The following KLHL29 variants were observed in gnomAD, a reference collection of about 807,000 sequenced individuals.
KLHL29 encodes the protein kelch-like protein 29.
KLHL29 carries 21 observed loss-of-function variants against 80.4 expected under a neutral mutation model. That is an observed-to-expected ratio of 0.26 (90% CI 0.19 to 0.38). KLHL29 has a LOEUF of 0.38. Among genes scored for constraint, KLHL29 ranks in the 10% least tolerant of loss-of-function variants. The pLI, the probability that KLHL29 is intolerant of heterozygous loss-of-function variation, is 1.00. For synonymous variants in KLHL29, 511 were observed against 526.8 expected, an observed-to-expected ratio of 0.97 and a Z score of 0.41; for missense variants, 867 against 1,223.9, an observed-to-expected ratio of 0.71 and a Z score of 4.35.
intron 2 of KLHL29, among the ~76,000 whole-genome samples, chr2:23,480,240 A>G (rs545474713): frequency 4.6e-5 from 7 of 152,296 alleles, no homozygotes; most frequent in Admixed American, 2.6e-4. Context: ...TAATCCCAGC[A>G]CTTTGGGAGG....
chr2:23,644,322 G>A (rs563127320), intron 5 of KLHL29: 44 of 151,868 alleles, frequency 2.9e-4, no homozygotes, highest in Admixed American at 7.2e-4. Context: ...AAGTTCATGA[G>A]TTACCAACTC....
chr2:23,478,434 T>C, intron 2 of KLHL29, among the ~76,000 whole-genome samples: 1 of 152,176 alleles, frequency 6.6e-6, no homozygotes, highest in Non-Finnish European at 1.5e-5. Flanking sequence ...CACAGGGTCC[T>C]GTGTAACCTG....
intron 1 of KLHL29, among the ~76,000 whole-genome samples, chr2:23,409,966 G>C (rs932168841): frequency 5.3e-5 from 8 of 152,194 alleles, no homozygotes; most frequent in African/African-American, 1.9e-4. Flanking sequence ...ATTCCAGGCA[G>C]AGGAGATACA....
intron 2 of KLHL29, among the ~76,000 whole-genome samples, chr2:23,532,827 G>A (rs531560089): frequency 5.1e-4 from 77 of 152,338 alleles, no homozygotes; most frequent in African/African-American, 1.7e-3. Context: ...TTCAGGGTAA[G>A]GGGAGGATTG....
intron 1 of KLHL29, among the ~76,000 whole-genome samples, chr2:23,389,852 T>G (rs1321008202): frequency 6.6e-6 from 1 of 152,202 alleles, no homozygotes; most frequent in Non-Finnish European, 1.5e-5. Flanking sequence ...TTTTTATTTC[T>G]TAAGTAATCT....
At chr2:23,476,838 A>T (rs1485551810) in intron 2 of KLHL29, among the ~76,000 whole-genome samples, 1 of 152,228 alleles carries the variant, frequency 6.6e-6, no homozygotes, top group Non-Finnish European at 1.5e-5. Flanking sequence ...CTGCCTTGGG[A>T]GGGCACAATC....
intron 2 of KLHL29, among the ~76,000 whole-genome samples, chr2:23,518,421 AAG>A (rs1056388680): frequency 2.0e-4 from 31 of 152,154 alleles, no homozygotes; most frequent in African/African-American, 5.8e-4. Context: ...CCTGGCTGCA[AAG>A]AGAGGGGGGA....
chr2:23,633,512 C>T (rs1669522419), intron 3 of KLHL29, among the ~76,000 whole-genome samples: 3 of 150,994 alleles, frequency 2.0e-5, no homozygotes, highest in Non-Finnish European at 4.4e-5. Flanking sequence ...TTTTTAGTGG[C>T]TGTTAAATGA....
chr2:23,404,331 TC>T (rs1482897513), intron 1 of KLHL29, among the ~76,000 whole-genome samples: 1 of 152,186 alleles, frequency 6.6e-6, no homozygotes, highest in East Asian at 1.9e-4. Flanking sequence ...AGAATAATTA[TC>T]TTTGTGATGA....
At chr2:23,461,506 T>G (rs75594019) in intron 1 of KLHL29, among the ~76,000 whole-genome samples, 3 of 152,358 alleles carry the variant, frequency 2.0e-5, no homozygotes, top group Non-Finnish European at 4.4e-5. Context: ...CGCGTAGCTG[T>G]TAATTTTTCT....
At chr2:23,411,145 C>T (rs376219622) in intron 1 of KLHL29, among the ~76,000 whole-genome samples, 2 of 152,102 alleles carry the variant, frequency 1.3e-5, no homozygotes, top group Non-Finnish European at 2.9e-5. Flanking sequence ...GTTATAATGT[C>T]GATATGACAA....
intron 1 of KLHL29, among the ~76,000 whole-genome samples, chr2:23,462,654 C>A (rs896217749): frequency 2.0e-5 from 3 of 152,160 alleles, no homozygotes; most frequent in African/African-American, 7.2e-5. Context: ...ATAAGGACTG[C>A]CCATCAGTGC....
chr2:23,452,453 C>A (rs1168550121), intron 1 of KLHL29, among the ~76,000 whole-genome samples: 2 of 152,112 alleles, frequency 1.3e-5, no homozygotes, highest in African/African-American at 4.8e-5. Flanking sequence ...TTGGGGATCT[C>A]ATTTCAACAT....
At chr2:23,549,045 G>A (rs1358639934) in intron 2 of KLHL29, among the ~76,000 whole-genome samples, 1 of 152,206 alleles carries the variant, frequency 6.6e-6, no homozygotes, top group Non-Finnish European at 1.5e-5. Flanking sequence ...TGTCTTCAGA[G>A]ACCTGGGAGT....
rs1249601063 is a variant in KLHL29 at position 23,539,431 on chromosome 2, CCTTTTTTTTT to C, written c.-45-22720_-45-22711del. The stretch of plus-strand genomic sequence containing the variant: ...ATGCTTTGCTAGCCTTATCCTGCCT[CCTTTTTTTTT>C]TTTTTTTTTTTTTTTTTGGAGACAG... On this transcript the variant is annotated intron_variant, in intron 2 of 13. Transcript: ENST00000486442. Among the ~76,000 whole-genome samples, 958 of 107,196 alleles carry C rather than the reference CCTTTTTTTTT, an allele frequency of 8.9e-3. 30 individuals are homozygous for C. Among genetic ancestry groups the C allele is most frequent in the African/African-American group, 0.033 (924 of 28,128 alleles). The allele number at this position is 107,196 out of a possible 152,430, so 70.3% of individuals were successfully genotyped here. A position where few individuals can be genotyped will look rare whatever the true frequency, so the allele number is the denominator to read the frequency against.
intron 2 of KLHL29, among the ~76,000 whole-genome samples, chr2:23,498,031 G>T (rs1053112987): frequency 1.7e-4 from 26 of 152,110 alleles, no homozygotes; most frequent in African/African-American, 6.0e-4. Context: ...TAGTGAAATG[G>T]TTATTATAGT....
rs1033763414 is a variant in KLHL29 at position 23,394,886 on chromosome 2, C to T, written c.-154+9106C>T. Among the ~76,000 whole-genome samples, 6 of 152,170 alleles carry T rather than the reference C, an allele frequency of 3.9e-5. No individual in the cohort carries two copies. The East Asian group carries it at 1.2e-3, about 29-fold the overall frequency. On this transcript the variant is annotated intron_variant, in intron 1 of 13. Coordinates refer to ENST00000486442, the MANE Select transcript of KLHL29 (RefSeq NM_052920.2). ...CCTTTCTTTGTGGTCAGAAGGCTTC[C>T]TGGGGTGTGCTGATTTGGATCTACG... is the stretch of plus-strand genomic sequence containing the variant.
At position 23,393,727 on chromosome 2, in the gene KLHL29, A is replaced by G. The variant is rs1201712366; in HGVS notation, c.-154+7947A>G. ...TGTTTGCTCTGTTTTAACTCTTTCA[A>G]CCTACATTCAGCCAAGGAGGGACTT... On this transcript the variant is annotated intron_variant, in intron 1 of 13. Coordinates refer to ENST00000486442, the MANE Select transcript of KLHL29 (RefSeq NM_052920.2). Among the ~76,000 whole-genome samples the G allele has an allele frequency of 4.6e-5, 7 of 152,122 alleles. No individual in the cohort carries two copies. In the South Asian group the frequency reaches 1.2e-3, roughly 27 times the overall value.
At chr2:23,561,051 A>T (rs1485746214) in intron 2 of KLHL29, among the ~76,000 whole-genome samples, 1 of 152,150 alleles carries the variant, frequency 6.6e-6, no homozygotes, top group Non-Finnish European at 1.5e-5. Flanking sequence ...CAGTTGGAGA[A>T]TGGAAAAGGC....
Sources: gnomAD v4.1 joint callset for allele counts (sites outside exome capture counted in the v4.1 genomes callset) on GRCh38, gnomAD v4.1.1 for gene constraint, MANE v1.5 for transcripts, NCBI Gene and HGNC (gene_info 2026-07-23, HGNC 2026-07-21) for gene names.